ANK3: variants seen among roughly 807,000 people sequenced by gnomAD.
ANK3 encodes the protein ankyrin-3.
ANK3 carries 57 observed loss-of-function variants against 370.9 expected under a neutral mutation model. The observed-to-expected ratio is 0.15, with a 90% CI of 0.12 to 0.19. The LOEUF is 0.19. ANK3 is among the 10% of genes least tolerant of loss of function. The pLI is 1.00. For missense variants in ANK3, 4,439 were observed against 5,302.1 expected, an observed-to-expected ratio of 0.84 and a Z score of 5.06; for synonymous variants, 1,929 against 1,946.3, an observed-to-expected ratio of 0.99 and a Z score of 0.23.
chr10:60,299,776 T>C (rs1405519111), intron 1 of ANK3, among the ~76,000 whole-genome samples: 1 of 152,224 alleles, frequency 6.6e-6, no homozygotes, highest in Non-Finnish European at 1.5e-5. Flanking sequence ...TATATCTATG[T>C]GCAATTCTAT....
intron 18 of ANK3, among the ~76,000 whole-genome samples, chr10:60,174,479 C>T (rs1238875562): frequency 1.3e-5 from 2 of 152,196 alleles, no homozygotes; most frequent in Non-Finnish European, 2.9e-5. Context: ...GATCAGAATA[C>T]TGCTTAATAA....
At chr10:60,185,299 A>G (rs901495941) in intron 17 of ANK3, among the ~76,000 whole-genome samples, 11 of 152,210 alleles carry the variant, frequency 7.2e-5, no homozygotes, top group Non-Finnish European at 1.3e-4. Flanking sequence ...ATTGTTATGG[A>G]GTAACCTTTT....
At chr10:60,673,060 T>C (rs2079081754) in intron 1 of ANK3, among the ~76,000 whole-genome samples, 1 of 146,092 alleles carries the variant, frequency 6.8e-6, no homozygotes, top group Non-Finnish European at 1.5e-5. Context: ...AAAAAAAAAA[T>C]CACCTCTGCA....
chr10:60,356,116 C>G (rs1279308448), intron 1 of ANK3, among the ~76,000 whole-genome samples: 1 of 152,184 alleles, frequency 6.6e-6, no homozygotes, highest in East Asian at 1.9e-4. Flanking sequence ...ATGCACGTTT[C>G]CAGTAGAAAT....
At chr10:60,188,870 G>A (rs1218851014) in intron 16 of ANK3, among the ~76,000 whole-genome samples, 1 of 152,164 alleles carries the variant, frequency 6.6e-6, no homozygotes, top group African/African-American at 2.4e-5. Context: ...GATGCCCGCA[G>A]AGCCAAATGC....
In ANK3 at chr10:60,190,408, C is replaced by T. The variant is rs543405699; in HGVS notation, c.1888-3496G>A. ...GCCTACTCTGTATTTATTCTCCTTT[C>T]TTTCTTAGTGAAAACAAACAAACAA... On this transcript the variant is annotated intron_variant, in intron 16 of 43. Coordinates refer to ENST00000280772, the MANE Select transcript of ANK3 (RefSeq NM_020987.5). Among the ~76,000 whole-genome samples the T allele has an allele frequency of 4.8e-3, 725 of 152,206 alleles. 11 individuals carry two copies. The highest frequency in any genetic ancestry group is 0.01 in the Middle Eastern group (3 of 294).
At chr10:60,727,347 A>C (rs909242282) in intron 1 of ANK3, among the ~76,000 whole-genome samples, 1 of 152,188 alleles carries the variant, frequency 6.6e-6, no homozygotes, top group Non-Finnish European at 1.5e-5. Context: ...TCAGAGAAAG[A>C]AGCTAGACAC....
At chr10:60,114,635 G>A (rs2092957275) in intron 25 of ANK3, among the ~76,000 whole-genome samples, 2 of 151,984 alleles carry the variant, frequency 1.3e-5, no homozygotes, top group Non-Finnish European at 2.9e-5. Context: ...TTTTCAACAT[G>A]TCTTCAAATT....
chr10:60,443,054 C>A (rs1340163706), intron 2 of ANK3, among the ~76,000 whole-genome samples: 4 of 152,092 alleles, frequency 2.6e-5, no homozygotes, highest in Non-Finnish European at 4.4e-5. Flanking sequence ...TCAATGAATG[C>A]TTTTTTGGAG....
intron 5 of ANK3, among the ~76,000 whole-genome samples, chr10:60,268,729 C>A (rs2097917306): frequency 6.6e-6 from 1 of 151,942 alleles, no homozygotes; most frequent in Admixed American, 6.6e-5. Context: ...ATAGTTACTG[C>A]CAAATGTTCT....
At chr10:60,540,279 C>A (rs977750448) in intron 2 of ANK3, among the ~76,000 whole-genome samples, 2 of 151,776 alleles carry the variant, frequency 1.3e-5, no homozygotes, top group Non-Finnish European at 2.9e-5. Flanking sequence ...AGCAGAGAGA[C>A]ACAGAGATGA....
intron 2 of ANK3, among the ~76,000 whole-genome samples, chr10:60,439,505 A>T (rs1253620776): frequency 6.6e-6 from 1 of 152,028 alleles, no homozygotes; most frequent in Non-Finnish European, 1.5e-5. Flanking sequence ...TATGAAAACA[A>T]CAAAAAAAAA....
At chr10:60,470,091 C>T (rs2065179618) in intron 2 of ANK3, among the ~76,000 whole-genome samples, 1 of 152,018 alleles carries the variant, frequency 6.6e-6, no homozygotes, top group Non-Finnish European at 1.5e-5. Context: ...AATAATCTTC[C>T]GTGTCAGTCT....
In ANK3 at chr10:60,082,137, G is replaced by A. The variant is rs2085433322; in HGVS notation, c.4350+13C>T. The A allele has an allele frequency of 1.9e-6, 3 of 1,604,590 alleles. No individual in the cohort carries two copies. Among genetic ancestry groups the A allele is most frequent in the African/African-American group, 2.7e-5 (2 of 74,770 alleles). On this transcript the variant is annotated intron_variant, in intron 35 of 43. Coordinates refer to ENST00000280772, the MANE Select transcript of ANK3 (RefSeq NM_020987.5). Reference sequence around the variant, plus strand: ...TACTTCTGATAGAATAAAAGCAGAAGTGTTTATATTACCTCATCATCTTGA... The same window carrying A: ...TACTTCTGATAGAATAAAAGCAGAAATGTTTATATTACCTCATCATCTTGA...
chr10:60,390,729 A>AAAACACACACACACACAC (rs1491146788), upstream of ANK3, among the ~76,000 whole-genome samples: 1 of 107,014 alleles, frequency 9.3e-6, no homozygotes, highest in African/African-American at 3.5e-5. Flanking sequence ...TAAAAAAAAG[A>AAAACACACACACACACAC]ACACACACAC....
chr10:60,337,533 C>T (rs2053289377), intron 1 of ANK3, among the ~76,000 whole-genome samples: 1 of 152,126 alleles, frequency 6.6e-6, no homozygotes, highest in Non-Finnish European at 1.5e-5. Flanking sequence ...CTATTAAATT[C>T]CATGTCTCCT....
intron 1 of ANK3, among the ~76,000 whole-genome samples, chr10:60,717,813 T>C (rs1361918608): frequency 6.6e-6 from 1 of 152,174 alleles, no homozygotes. Context: ...TTGGTGAGAT[T>C]TGCATCATTT....
chr10:60,723,986 T>G (rs7081922), intron 1 of ANK3, among the ~76,000 whole-genome samples: 41,790 of 142,794 alleles, frequency 0.29, 6,442 homozygotes, highest in South Asian at 0.45. Flanking sequence ...CGAGGCGGGC[T>G]GATCACGAGG....
At chr10:60,444,481 G>A (rs1395251385) in intron 2 of ANK3, among the ~76,000 whole-genome samples, 1 of 151,200 alleles carries the variant, frequency 6.6e-6, no homozygotes, top group South Asian at 2.1e-4. Flanking sequence ...AATGAAAGGA[G>A]ATACAGACTG....
Sources: gnomAD v4.1 joint callset for allele counts (sites outside exome capture counted in the v4.1 genomes callset) on GRCh38, gnomAD v4.1.1 for gene constraint, MANE v1.5 for transcripts, NCBI Gene and HGNC (gene_info 2026-07-23, HGNC 2026-07-21) for gene names.